Variants in ROBO1 observed in about 807,000 individuals in gnomAD.
ROBO1 encodes roundabout homolog 1.
Under a neutral mutation model 195.9 loss-of-function variants are expected in ROBO1, and 149 were observed. The observed-to-expected ratio is 0.76, with a 90% CI of 0.67 to 0.87. ROBO1 has a LOEUF of 0.87. ROBO1 is among the 40% of genes least tolerant of loss of function. ROBO1 has a pLI of 0.00. For missense variants in ROBO1, 1,933 were observed against 2,068.3 expected (o/e 0.93, Z 1.27); for synonymous variants, 816 against 733.2 (o/e 1.11, Z -1.82).
chr3:78,826,604 A>G (rs1461293166), intron 4 of ROBO1, among the ~76,000 whole-genome samples: 2 of 152,150 alleles, frequency 1.3e-5, no homozygotes, highest in Non-Finnish European at 2.9e-5. Flanking sequence ...TTGACCATGG[A>G]GGCTATTTAG....
chr3:78,641,767 T>C (rs919795002), intron 21 of ROBO1, among the ~76,000 whole-genome samples: 1 of 152,150 alleles, frequency 6.6e-6, no homozygotes, highest in African/African-American at 2.4e-5. Flanking sequence ...ATAGACAATA[T>C]TTTTATGCTG....
In ROBO1 at chr3:79,275,527, T is replaced by C. The variant is rs572998012; in HGVS notation, c.89-149988A>G. Among the ~76,000 whole-genome samples the C allele has an allele frequency of 1.4e-4, 22 of 151,988 alleles. No homozygotes were observed. In the South Asian group the frequency reaches 4.1e-3, roughly 29 times the overall value. On this transcript the variant is annotated intron_variant, in intron 2 of 30. Transcript: ENST00000464233. ...TAGCAGACCCATAGCTGGTATCATA[T>C]AGAATGGAGAAAACCTGAAAGCCTT...
chr3:78,762,161 T>A (rs866232457), intron 4 of ROBO1, among the ~76,000 whole-genome samples: 1 of 152,058 alleles, frequency 6.6e-6, no homozygotes, highest in South Asian at 2.1e-4. Context: ...AAGACAGATA[T>A]CTTTAGGTAA....
chr3:79,587,738 GA>G (rs1374757758), intron 2 of ROBO1, among the ~76,000 whole-genome samples: 11 of 151,674 alleles, frequency 7.3e-5, no homozygotes, highest in Admixed American at 2.6e-4. Context: ...ACTAAAGCTA[GA>G]AAAACAATTA....
At chr3:78,619,113 A>G (rs77779285) in intron 26 of ROBO1, among the ~76,000 whole-genome samples, 1,686 of 152,318 alleles carry the variant, frequency 0.011, 13 homozygotes, top group Middle Eastern at 0.02. Flanking sequence ...CTTGCTCAAC[A>G]GTCCTAATAT....
chr3:79,516,820 A>G (rs954968268), intron 2 of ROBO1, among the ~76,000 whole-genome samples: 1 of 152,202 alleles, frequency 6.6e-6, no homozygotes, highest in African/African-American at 2.4e-5. Flanking sequence ...ATTTATCTAC[A>G]GGATAGATTT....
At chr3:79,304,248 C>T (rs2033119447) in intron 2 of ROBO1, among the ~76,000 whole-genome samples, 1 of 152,008 alleles carries the variant, frequency 6.6e-6, no homozygotes. Flanking sequence ...TGGTTAAAGA[C>T]TGAATTAATT....
At chr3:79,411,361 A>C (rs2106857330) in intron 2 of ROBO1, among the ~76,000 whole-genome samples, 1 of 152,276 alleles carries the variant, frequency 6.6e-6, no homozygotes, top group Non-Finnish European at 1.5e-5. Flanking sequence ...CAAATTGTGG[A>C]GGTATTGCAT....
intron 2 of ROBO1, among the ~76,000 whole-genome samples, chr3:79,501,753 T>A (rs970004197): frequency 1.3e-5 from 2 of 152,176 alleles, no homozygotes; most frequent in African/African-American, 2.4e-5. Flanking sequence ...AGGCTTTTTT[T>A]AAAAAAACAA....
chr3:78,669,228 G>A (rs1245097619), intron 11 of ROBO1, among the ~76,000 whole-genome samples: 1 of 152,194 alleles, frequency 6.6e-6, no homozygotes, highest in Non-Finnish European at 1.5e-5. Flanking sequence ...ATCTACTTCT[G>A]CTCAAGCTAA....
chr3:79,193,705 C>T (rs1047887963), intron 2 of ROBO1, among the ~76,000 whole-genome samples: 6 of 144,054 alleles, frequency 4.2e-5, no homozygotes, highest in African/African-American at 1.5e-4. Flanking sequence ...AATTATCATT[C>T]TTACATATGA....
intron 4 of ROBO1, among the ~76,000 whole-genome samples, chr3:78,786,841 T>G (rs943808543): frequency 6.6e-6 from 1 of 152,170 alleles, no homozygotes; most frequent in African/African-American, 2.4e-5. Context: ...TATTTCTTCA[T>G]AGCAGTATGA....
chr3:79,676,402 C>T (rs1046272494), intron 1 of ROBO1, among the ~76,000 whole-genome samples: 3 of 152,134 alleles, frequency 2.0e-5, no homozygotes, highest in Non-Finnish European at 4.4e-5. Context: ...ATTGGGTCCT[C>T]TGCTGAGGAC....
intron 8 of ROBO1, 106 bp downstream of exon 8, chr3:78,714,291 T>G: frequency 8.8e-7 from 1 of 1,141,002 alleles, no homozygotes; most frequent in Non-Finnish European, 1.2e-6. Context: ...AGAGCAATAC[T>G]TAAAGTCTAT....
chr3:79,552,460 T>G (rs1942558385), intron 2 of ROBO1, among the ~76,000 whole-genome samples: 1 of 152,104 alleles, frequency 6.6e-6, no homozygotes, highest in Non-Finnish European at 1.5e-5. Context: ...TTAAATTGAA[T>G]GTGGACATAG....
intron 11 of ROBO1, 66 bp from the exon 12 acceptor site, chr3:78,668,631 TACAGGTTTGTATATG>T: frequency 6.9e-7 from 1 of 1,453,340 alleles, no homozygotes; most frequent in Non-Finnish European, 9.6e-7. Context: ...GAAAAGCAAT[TACAGGTTTGTATATG>T]ATCCATGAAT....
At chr3:78,636,935 TTATATATATATATATATATATATATA>T (rs55894934) in intron 22 of ROBO1, among the ~76,000 whole-genome samples, 3 of 96,704 alleles carry the variant, frequency 3.1e-5, no homozygotes, top group Non-Finnish European at 4.2e-5. Flanking sequence ...TACATTCATT[TTATATATATATATATATATATATATA>T]TATATATATA....
intron 1 of ROBO1, among the ~76,000 whole-genome samples, chr3:79,679,765 TG>T (rs1946888343): frequency 6.6e-6 from 1 of 151,872 alleles, no homozygotes; most frequent in Admixed American, 6.6e-5. Context: ...CTTCTACAAA[TG>T]TGAGAAAAAG....
intron 2 of ROBO1, among the ~76,000 whole-genome samples, chr3:79,288,597 A>C (rs1261516077): frequency 6.6e-6 from 1 of 152,198 alleles, no homozygotes; most frequent in Non-Finnish European, 1.5e-5. Flanking sequence ...GAAATCAAGG[A>C]GGCCAGATGC....
Sources: gnomAD v4.1 joint callset for allele counts (sites outside exome capture counted in the v4.1 genomes callset) on GRCh38, gnomAD v4.1.1 for gene constraint, MANE v1.5 for transcripts, NCBI Gene and HGNC (gene_info 2026-07-23, HGNC 2026-07-21) for gene names.